The following PPP2R5E variants were observed in gnomAD, a reference collection of about 807,000 sequenced individuals.
PPP2R5E encodes the protein protein phosphatase 2 regulatory subunit B'epsilon.
A neutral mutation model predicts 65.3 loss-of-function variants in PPP2R5E; 4 were observed. That is an observed-to-expected ratio of 0.06 (90% CI 0.03 to 0.14). The LOEUF (loss-of-function observed/expected upper bound fraction) is 0.14. PPP2R5E is among the 10% of genes least tolerant of loss of function. The pLI is 1.00. For missense variants in PPP2R5E, 274 were observed against 556.1 expected (o/e 0.49, Z 5.10); for synonymous variants, 183 against 187.4 (o/e 0.98, Z 0.19).
At chr14:63,525,946 G>A (rs189651358) in intron 2 of PPP2R5E, among the ~76,000 whole-genome samples, 73 of 152,126 alleles carry the variant, frequency 4.8e-4, no homozygotes, top group South Asian at 3.7e-3. Context: ...AACCTCCGCC[G>A]CATGGGTTCA....
At chr14:63,414,387 A>C (rs1158938165) in intron 5 of PPP2R5E, among the ~76,000 whole-genome samples, 2 of 152,194 alleles carry the variant, frequency 1.3e-5, no homozygotes, top group Non-Finnish European at 2.9e-5. Context: ...CTAGGAGATA[A>C]ACATTTATTC....
In PPP2R5E at chr14:63,415,123, C is replaced by A; in HGVS notation, c.549+17G>T. 1 of 1,509,794 alleles carries A rather than the reference C, an allele frequency of 6.6e-7. No homozygotes were observed. Among genetic ancestry groups the A allele is most frequent in the South Asian group, 1.1e-5 (1 of 87,444 alleles). 93.5% of individuals were successfully genotyped at this position (1,509,794 alleles called of 1,614,324 possible). On this transcript the variant is annotated intron_variant, in intron 5 of 13. Coordinates refer to ENST00000337537, the MANE Select transcript of PPP2R5E (RefSeq NM_006246.5). ...TAACTGGATGACAAATACACACAAC[C>A]ACAATAATTTGCTTACCTGTAATAC... is the stretch of plus-strand genomic sequence containing the variant.
intron 3 of PPP2R5E, among the ~76,000 whole-genome samples, chr14:63,437,702 G>T (rs1469524533): frequency 6.6e-6 from 1 of 151,938 alleles, no homozygotes; most frequent in Non-Finnish European, 1.5e-5. Flanking sequence ...TTTCAAAGTA[G>T]CCCATTTAGC....
At chr14:63,491,485 T>A (rs1311547305) in intron 2 of PPP2R5E, among the ~76,000 whole-genome samples, 1 of 152,180 alleles carries the variant, frequency 6.6e-6, no homozygotes, top group Non-Finnish European at 1.5e-5. Context: ...AAATAGCTCA[T>A]TTTTATATTG....
At chr14:63,516,013 C>T (rs572207669) in intron 2 of PPP2R5E, among the ~76,000 whole-genome samples, 18 of 151,512 alleles carry the variant, frequency 1.2e-4, no homozygotes, top group African/African-American at 3.6e-4. Flanking sequence ...CCACGCCTGG[C>T]TAGTTTTTTG....
intron 11 of PPP2R5E, among the ~76,000 whole-genome samples, 182 bp downstream of exon 11, chr14:63,389,430 C>T (rs1295178243): frequency 6.6e-6 from 1 of 151,958 alleles, no homozygotes; most frequent in Non-Finnish European, 1.5e-5. Flanking sequence ...GAGAAAGCAC[C>T]ATTACTGTGG....
At chr14:63,524,697 C>A (rs1257282939) in intron 2 of PPP2R5E, among the ~76,000 whole-genome samples, 1 of 152,164 alleles carries the variant, frequency 6.6e-6, no homozygotes, top group East Asian at 1.9e-4. Flanking sequence ...ATGAGTTGCA[C>A]AGGGGCCCAG....
intron 2 of PPP2R5E, among the ~76,000 whole-genome samples, chr14:63,490,120 T>C (rs1003918526): frequency 1.3e-5 from 2 of 152,090 alleles, no homozygotes; most frequent in African/African-American, 4.8e-5. Context: ...CGAATAAAAT[T>C]GTGCTAACCA....
intron 2 of PPP2R5E, among the ~76,000 whole-genome samples, chr14:63,483,414 C>G (rs1278281432): frequency 7.2e-6 from 1 of 138,810 alleles, no homozygotes; most frequent in African/African-American, 3.2e-5. Context: ...TGAGCCAACT[C>G]TTGAGAGAGC....
chr14:63,465,846 A>G (rs1483673706), intron 2 of PPP2R5E, among the ~76,000 whole-genome samples: 1 of 152,222 alleles, frequency 6.6e-6, no homozygotes, highest in East Asian at 1.9e-4. Context: ...AGTCAGCATC[A>G]CTGAAGCCCA....
At chr14:63,392,962 G>C (rs3783746) in intron 8 of PPP2R5E, among the ~76,000 whole-genome samples, 1,920 of 152,188 alleles carry the variant, frequency 0.013, 59 homozygotes, top group East Asian at 0.11. Flanking sequence ...TTAGAATGGG[G>C]ACAAGACAGG....
At chr14:63,393,437 C>T (rs934349011) in intron 8 of PPP2R5E, among the ~76,000 whole-genome samples, 2 of 152,128 alleles carry the variant, frequency 1.3e-5, no homozygotes, top group Non-Finnish European at 2.9e-5. Context: ...ATAGGCCCGG[C>T]GCCGTGGCTC....
At chr14:63,520,956 G>A (rs865927177) in intron 2 of PPP2R5E, among the ~76,000 whole-genome samples, 9 of 151,460 alleles carry the variant, frequency 5.9e-5, no homozygotes, top group African/African-American at 1.7e-4. Flanking sequence ...GGAGAATGGC[G>A]TGAACCAGGG....
chr14:63,484,601 G>A (rs1890891803), intron 2 of PPP2R5E, among the ~76,000 whole-genome samples: 1 of 152,010 alleles, frequency 6.6e-6, no homozygotes, highest in African/African-American at 2.4e-5. Context: ...ATAACTTTTG[G>A]AACCACAAGA....
At chr14:63,469,468 T>G (rs1016847565) in intron 2 of PPP2R5E, among the ~76,000 whole-genome samples, 1 of 152,076 alleles carries the variant, frequency 6.6e-6, no homozygotes, top group South Asian at 2.1e-4. Context: ...CGAGGCGGGC[T>G]GATCACGAGG....
intron 2 of PPP2R5E, among the ~76,000 whole-genome samples, chr14:63,481,723 T>C (rs1465845172): frequency 6.6e-6 from 1 of 152,222 alleles, no homozygotes; most frequent in South Asian, 2.1e-4. Context: ...TGACAAATTC[T>C]GTTTACTTCT....
intron 2 of PPP2R5E, among the ~76,000 whole-genome samples, chr14:63,484,064 CAG>C (rs1374972998): frequency 6.9e-6 from 1 of 144,156 alleles, no homozygotes; most frequent in African/African-American, 2.7e-5. Flanking sequence ...AGCCTGGTGA[CAG>C]AGTGAGACTC....
intron 8 of PPP2R5E, among the ~76,000 whole-genome samples, chr14:63,393,369 T>C (rs576022217): frequency 2.2e-3 from 334 of 152,328 alleles, no homozygotes; most frequent in Non-Finnish European, 3.9e-3. Context: ...TACATTTTTA[T>C]TTCCCTCGGG....
chr14:63,426,279 A>G (rs1409027732), intron 3 of PPP2R5E, among the ~76,000 whole-genome samples: 1 of 152,220 alleles, frequency 6.6e-6, no homozygotes, highest in African/African-American at 2.4e-5. Flanking sequence ...TGAAAAAGCT[A>G]CTTAAAGCTG....
Sources: allele counts gnomAD v4.1 joint callset (sites outside exome capture counted in the v4.1 genomes callset), GRCh38; gene constraint gnomAD v4.1.1; transcripts MANE v1.5; gene names NCBI Gene and HGNC (gene_info 2026-07-23, HGNC 2026-07-21).